Variants in NYAP2 observed in about 807,000 individuals in gnomAD.
NYAP2 encodes neuronal tyrosine-phosphorylated phosphoinositide-3-kinase adaptor 2.
Under a neutral mutation model 50.4 loss-of-function variants are expected in NYAP2, and 23 were observed. The observed-to-expected ratio is 0.46, with a 90% CI of 0.33 to 0.65. The LOEUF is 0.65. Among genes scored for constraint, NYAP2 ranks in the 30% least tolerant of loss-of-function variants. NYAP2 has a pLI of 0.02. For missense variants in NYAP2, 885 were observed against 861.0 expected, an observed-to-expected ratio of 1.03 and a Z score of -0.35; for synonymous variants, 394 against 365.2, an observed-to-expected ratio of 1.08 and a Z score of -0.90.
chr2:225,527,090 C>T (rs1691165386), intron 4 of NYAP2, among the ~76,000 whole-genome samples: 1 of 152,122 alleles, frequency 6.6e-6, no homozygotes, highest in Non-Finnish European at 1.5e-5. Flanking sequence ...GGTTGTTGTC[C>T]AGTCCAAAGA....
intron 3 of NYAP2, among the ~76,000 whole-genome samples, chr2:225,501,893 A>C (rs1049160527): frequency 6.6e-6 from 1 of 152,138 alleles, no homozygotes; most frequent in African/African-American, 2.4e-5. Context: ...CAGAGAACAC[A>C]CCTGAAGGGT....
At chr2:225,606,810 C>G (rs1692794965) in intron 5 of NYAP2, among the ~76,000 whole-genome samples, 1 of 152,096 alleles carries the variant, frequency 6.6e-6, no homozygotes, top group African/African-American at 2.4e-5. Context: ...ATGGGCCACT[C>G]AAATTATAGG....
chr2:225,412,291 T>G (rs1695057896), intron 3 of NYAP2, among the ~76,000 whole-genome samples: 1 of 128,864 alleles, frequency 7.8e-6, no homozygotes, highest in African/African-American at 3.5e-5. Flanking sequence ...TAACAAAAAT[T>G]TTGTTCCTGT....
At chr2:225,647,241 A>G (rs758001027) in intron 6 of NYAP2, among the ~76,000 whole-genome samples, 4 of 152,198 alleles carry the variant, frequency 2.6e-5, no homozygotes, top group Non-Finnish European at 5.9e-5. Context: ...TTATGGAAAC[A>G]TGTCAACCAG....
chr2:225,431,839 A>T (rs747906502), intron 3 of NYAP2, among the ~76,000 whole-genome samples: 1 of 152,240 alleles, frequency 6.6e-6, no homozygotes, highest in Non-Finnish European at 1.5e-5. Context: ...GGAAGGGTTG[A>T]CCAAAAGTTC....
At chr2:225,439,624 T>C (rs1026709825) in intron 3 of NYAP2, among the ~76,000 whole-genome samples, 2 of 152,094 alleles carry the variant, frequency 1.3e-5, no homozygotes, top group Non-Finnish European at 2.9e-5. Flanking sequence ...TCCAGAATGA[T>C]GGCAAGACAT....
At chr2:225,412,271 T>TTTTTTTTTA in intron 3 of NYAP2, among the ~76,000 whole-genome samples, 3 of 145,654 alleles carry the variant, frequency 2.1e-5, no homozygotes, top group Non-Finnish European at 4.5e-5. Context: ...TTTTTTTTTT[T>TTTTTTTTTA]TTTTTTTTTT....
intron 3 of NYAP2, among the ~76,000 whole-genome samples, chr2:225,446,239 TC>T (rs1689556632): frequency 9.7e-6 from 1 of 102,862 alleles, no homozygotes; most frequent in African/African-American, 4.3e-5. Context: ...TCTCTCTCTC[TC>T]TCTCTCTATA....
intron 4 of NYAP2, among the ~76,000 whole-genome samples, chr2:225,542,310 T>A (rs1190269849): frequency 6.6e-6 from 1 of 152,160 alleles, no homozygotes; most frequent in Non-Finnish European, 1.5e-5. Flanking sequence ...CTATGTTGAA[T>A]AACAGCGGTG....
At chr2:225,488,580 G>T (rs1448918406) in intron 3 of NYAP2, among the ~76,000 whole-genome samples, 1 of 152,142 alleles carries the variant, frequency 6.6e-6, no homozygotes, top group Non-Finnish European at 1.5e-5. Context: ...TGCCATGTTT[G>T]CCAGGCTGGT....
At position 225,559,215 on chromosome 2, in the gene NYAP2, T is replaced by C. The variant is rs539778749; in HGVS notation, c.524-22726T>C. ...TATTTGAGTCTTGTCTTTGATATTGTGCTTCTCTAATCATAATCCTGACTT... is the reference window on the plus strand; with the variant it reads ...TATTTGAGTCTTGTCTTTGATATTGCGCTTCTCTAATCATAATCCTGACTT... On this transcript the variant is annotated intron_variant, in intron 4 of 6. Transcript: ENST00000636099. 6.6e-5 allele frequency among the ~76,000 whole-genome samples: 10 copies of C among 152,204 alleles called. No individual in the cohort carries two copies. In the South Asian group the frequency reaches 1.9e-3, roughly 28 times the overall value.
At chr2:225,398,258 G>T (rs1396271928), upstream of NYAP2, among the ~76,000 whole-genome samples, 2 of 151,970 alleles carry the variant, frequency 1.3e-5, no homozygotes, top group East Asian at 3.9e-4. Flanking sequence ...AATTAAGTAA[G>T]TCAGAAACAA....
At chr2:225,512,893 C>CTTCCTTCCTTCCTTCCT (rs1553544808) in intron 3 of NYAP2, among the ~76,000 whole-genome samples, 1 of 114,884 alleles carries the variant, frequency 8.7e-6, no homozygotes, top group Non-Finnish European at 1.9e-5. Context: ...TCCTTCCTTC[C>CTTCCTTCCTTCCTTCCT]TTCCTTTCCT....
chr2:225,481,417 C>T (rs948050324), intron 3 of NYAP2, among the ~76,000 whole-genome samples: 4 of 152,086 alleles, frequency 2.6e-5, no homozygotes, highest in South Asian at 2.1e-4. Context: ...TGAATCAACA[C>T]ATTTTGTTAC....
chr2:225,640,098 A>G (rs570617330), intron 6 of NYAP2, among the ~76,000 whole-genome samples: 1 of 152,314 alleles, frequency 6.6e-6, no homozygotes, highest in Non-Finnish European at 1.5e-5. Flanking sequence ...GATCACATAT[A>G]CAGAGTCAGC....
chr2:225,457,715 A>G (rs139202621), intron 3 of NYAP2, among the ~76,000 whole-genome samples: 1 of 152,334 alleles, frequency 6.6e-6, no homozygotes, highest in African/African-American at 2.4e-5. Flanking sequence ...CCAAGAGTGT[A>G]TTTGTGAACA....
intron 5 of NYAP2, among the ~76,000 whole-genome samples, chr2:225,609,321 A>G (rs1204495574): frequency 1.3e-5 from 2 of 152,140 alleles, no homozygotes; most frequent in Admixed American, 1.3e-4. Context: ...AGCCTACCTG[A>G]TTATGAGGCC....
intron 5 of NYAP2, among the ~76,000 whole-genome samples, chr2:225,622,074 C>T (rs545865770): frequency 3.3e-5 from 5 of 152,276 alleles, no homozygotes; most frequent in Admixed American, 1.3e-4. Flanking sequence ...GTCTGTTGCC[C>T]AGCCTGGATT....
intron 4 of NYAP2, among the ~76,000 whole-genome samples, chr2:225,572,989 T>C (rs1457928908): frequency 6.6e-6 from 1 of 152,164 alleles, no homozygotes; most frequent in Non-Finnish European, 1.5e-5. Flanking sequence ...TCTTTTTCTA[T>C]CTCCTCTCTG....
Sources: allele counts gnomAD v4.1 joint callset (sites outside exome capture counted in the v4.1 genomes callset), GRCh38; gene constraint gnomAD v4.1.1; transcripts MANE v1.5; gene names NCBI Gene and HGNC (gene_info 2026-07-23, HGNC 2026-07-21).